Variants in LPGAT1 observed in about 807,000 individuals in gnomAD.
LPGAT1 encodes acyl-CoA:lysophosphatidylglycerol acyltransferase 1.
Under a neutral mutation model 47.5 loss-of-function variants are expected in LPGAT1, and 11 were observed. The ratio of observed to expected loss-of-function variants is 0.23; its 90% CI spans 0.15 to 0.38. LPGAT1 has a LOEUF of 0.38. LPGAT1 is among the 10% of genes least tolerant of loss of function. The pLI is 1.00. For missense variants in LPGAT1, 293 were observed against 439.0 expected, an observed-to-expected ratio of 0.67 and a Z score of 2.97; for synonymous variants, 138 against 144.2, an observed-to-expected ratio of 0.96 and a Z score of 0.31.
chr1:211,751,724 G>T (rs565590679), intron 6 of LPGAT1, among the ~76,000 whole-genome samples: 23 of 152,168 alleles, frequency 1.5e-4, no homozygotes, highest in Non-Finnish European at 3.2e-4. Flanking sequence ...TTGAAAAATA[G>T]TTTTATTTTT....
chr1:211,816,334 T>G (rs978741764), intron 2 of LPGAT1, among the ~76,000 whole-genome samples: 2 of 152,220 alleles, frequency 1.3e-5, no homozygotes, highest in African/African-American at 4.8e-5. Flanking sequence ...TGTTGTTTTG[T>G]TTGCCACTGT....
intron 2 of LPGAT1, among the ~76,000 whole-genome samples, chr1:211,815,365 T>C (rs1660134972): frequency 6.6e-6 from 1 of 152,186 alleles, no homozygotes; most frequent in Admixed American, 6.5e-5. Context: ...TCATCCTCCA[T>C]GTCTAATCTC....
chr1:211,750,311 A>G (rs1657122254), intron 7 of LPGAT1, among the ~76,000 whole-genome samples: 1 of 152,050 alleles, frequency 6.6e-6, no homozygotes, highest in Non-Finnish European at 1.5e-5. Context: ...CATCCTTTCC[A>G]TATCAGAAAA....
chr1:211,801,060 G>A (rs1659553915), intron 2 of LPGAT1, among the ~76,000 whole-genome samples: 1 of 152,168 alleles, frequency 6.6e-6, no homozygotes, highest in Non-Finnish European at 1.5e-5. Flanking sequence ...CACTTGCTTG[G>A]CTACAAATCA....
At chr1:211,806,436 C>T (rs945630906) in intron 2 of LPGAT1, among the ~76,000 whole-genome samples, 2 of 151,824 alleles carry the variant, frequency 1.3e-5, no homozygotes, top group Admixed American at 1.3e-4. Flanking sequence ...AATCAAATAC[C>T]GCATGTTCTC....
At chr1:211,802,105 G>A (rs1368984263) in intron 2 of LPGAT1, among the ~76,000 whole-genome samples, 4 of 147,502 alleles carry the variant, frequency 2.7e-5, no homozygotes, top group East Asian at 2.0e-4. Flanking sequence ...AAAAAAAAGA[G>A]AAAAAAAGAA....
At chr1:211,821,972 A>G (rs868718476) in intron 2 of LPGAT1, among the ~76,000 whole-genome samples, 2 of 152,358 alleles carry the variant, frequency 1.3e-5, no homozygotes, top group Middle Eastern at 3.4e-3. Context: ...GATTCAACTC[A>G]TATTAACAGA....
At chr1:211,768,336 AGTT>A (rs1380594217) in intron 6 of LPGAT1, among the ~76,000 whole-genome samples, 1 of 152,226 alleles carries the variant, frequency 6.6e-6, no homozygotes, top group Non-Finnish European at 1.5e-5. Flanking sequence ...TTTTTGAATT[AGTT>A]ATTTTTAATT....
intron 6 of LPGAT1, among the ~76,000 whole-genome samples, chr1:211,772,159 T>C (rs57359943): frequency 0.024 from 3,680 of 152,282 alleles, 147 homozygotes; most frequent in African/African-American, 0.083. Flanking sequence ...TCCCATATTG[T>C]GAATCAACAG....
intron 1 of LPGAT1, chr1:211,829,569 G>T: frequency 7.5e-7 from 1 of 1,328,002 alleles, no homozygotes. Flanking sequence ...TTTAGCAAAT[G>T]ATAACACAAT....
At chr1:211,780,525 T>C (rs1246091288) in intron 5 of LPGAT1, among the ~76,000 whole-genome samples, 3 of 152,220 alleles carry the variant, frequency 2.0e-5, no homozygotes, top group Non-Finnish European at 4.4e-5. Flanking sequence ...AGTTCAAATG[T>C]GCATTAGGAA....
intron 6 of LPGAT1, among the ~76,000 whole-genome samples, chr1:211,762,054 A>G (rs1558256806): frequency 6.6e-6 from 1 of 152,238 alleles, no homozygotes; most frequent in Admixed American, 6.5e-5. Flanking sequence ...TAATACTTGC[A>G]GTATGTAATT....
chr1:211,799,538 TG>T (rs1325312096), intron 2 of LPGAT1, among the ~76,000 whole-genome samples: 10 of 152,222 alleles, frequency 6.6e-5, no homozygotes, highest in Non-Finnish European at 1.3e-4. Flanking sequence ...GCATGCTTCA[TG>T]TCAAAGAACC....
rs768088474 is a variant in LPGAT1 at position 211,743,649 on chromosome 1, C to A, written c.*6250G>T. 5 of 152,066 alleles carry A rather than the reference C, an allele frequency of 3.3e-5. No individual in the cohort carries two copies. Among genetic ancestry groups the A allele is most frequent in the Non-Finnish European group, 5.9e-5 (4 of 68,004 alleles). The allele number at this position is 152,066 out of a possible 1,614,324, so 9.4% of individuals were successfully genotyped here. ...GTGGAAATTAAAAACAATGGCTTTC[C>A]CCCCGCCAACTCATGAGGAATAGGG... On this transcript the variant is annotated 3_prime_UTR_variant, in exon 8 of 8. Coordinates refer to ENST00000366997, the MANE Select transcript of LPGAT1 (RefSeq NM_014873.3).
At chr1:211,802,531 C>A (rs1005018081) in intron 2 of LPGAT1, among the ~76,000 whole-genome samples, 2 of 151,486 alleles carry the variant, frequency 1.3e-5, no homozygotes, top group Non-Finnish European at 2.9e-5. Flanking sequence ...AAAAAAAGGA[C>A]CTGCTGGAAA....
chr1:211,797,054 G>A (rs998978957), intron 2 of LPGAT1, among the ~76,000 whole-genome samples: 2 of 151,924 alleles, frequency 1.3e-5, no homozygotes, highest in African/African-American at 2.4e-5. Flanking sequence ...TCAGGAGTTC[G>A]GGACCAGCCT....
chr1:211,793,840 T>C lies in LPGAT1; in HGVS notation c.239-650A>G, dbSNP rs556697145. ...TAAAGAATGTTTATCACAACTTAAA[T>C]GTTCACCAACAAGGGAATGGACAAG... On this transcript the variant is annotated intron_variant, in intron 2 of 7. Coordinates refer to ENST00000366997, the MANE Select transcript of LPGAT1 (RefSeq NM_014873.3). 1.2e-3 allele frequency among the ~76,000 whole-genome samples: 180 copies of C among 152,272 alleles called. 1 individual carries two copies. In the South Asian group the frequency reaches 0.019, roughly 16 times the overall value.
chr1:211,821,029 T>C (rs376776803), intron 2 of LPGAT1, among the ~76,000 whole-genome samples: 127 of 152,268 alleles, frequency 8.3e-4, no homozygotes, highest in African/African-American at 2.9e-3. Flanking sequence ...GACATTTGTA[T>C]AATACCTGTA....
At chr1:211,770,523 C>T (rs1658120443) in intron 6 of LPGAT1, among the ~76,000 whole-genome samples, 1 of 152,206 alleles carries the variant, frequency 6.6e-6, no homozygotes, top group Non-Finnish European at 1.5e-5. Flanking sequence ...CATGACATTT[C>T]AGTCAACGAC....
Sources: gnomAD v4.1 joint callset for allele counts (sites outside exome capture counted in the v4.1 genomes callset) on GRCh38, gnomAD v4.1.1 for gene constraint, MANE v1.5 for transcripts, NCBI Gene and HGNC (gene_info 2026-07-23, HGNC 2026-07-21) for gene names.